The following RSBN1 variants were observed in gnomAD, a reference collection of about 807,000 sequenced individuals.
RSBN1 encodes the protein round spermatid basic protein 1.
RSBN1 carries 23 observed loss-of-function variants against 74.8 expected under a neutral mutation model. That is an observed-to-expected ratio of 0.31 (90% CI 0.22 to 0.44). RSBN1 has a LOEUF of 0.44. RSBN1 is among the 20% of genes least tolerant of loss of function. RSBN1 has a pLI of 1.00. For missense variants in RSBN1, 808 were observed against 1,020.9 expected (o/e 0.79, Z 2.84); for synonymous variants, 407 against 379.6 (o/e 1.07, Z -0.84).
chr1:113,777,154 T>C, intron 4 of RSBN1, 56 bp downstream of exon 4: 7 of 1,520,178 alleles, frequency 4.6e-6, no homozygotes, highest in Non-Finnish European at 5.4e-6. Flanking sequence ...CTCATTTTTA[T>C]AAGCAACCAA....
rs1456151487 is a variant in RSBN1 at position 113,765,406 on chromosome 1, TG to T, written c.*573del. 1 of 152,694 alleles carries T rather than the reference TG, an allele frequency of 6.5e-6. No individual in the cohort carries two copies. The highest frequency in any genetic ancestry group is 1.5e-5 in the Non-Finnish European group (1 of 68,192). The allele number at this position is 152,694 out of a possible 1,614,324, so 9.5% of individuals were successfully genotyped here. On this transcript the variant is annotated 3_prime_UTR_variant, in exon 7 of 7. Coordinates refer to ENST00000261441, the MANE Select transcript of RSBN1 (RefSeq NM_018364.5). ...AGACAGTTTGGATCAGAAAGTGCTG[TG>T]CTTTCTCTTTTGTTAAGAAACCAGA...
intron 1 of RSBN1, among the ~76,000 whole-genome samples, chr1:113,802,839 T>C (rs555724232): frequency 1.3e-5 from 2 of 152,282 alleles, no homozygotes; most frequent in African/African-American, 4.8e-5. Context: ...AAGTCTACAT[T>C]GATGCATCAT....
intron 1 of RSBN1, among the ~76,000 whole-genome samples, chr1:113,805,238 T>G (rs767065411): frequency 1.5e-4 from 23 of 151,954 alleles, no homozygotes; most frequent in Non-Finnish European, 2.4e-4. Flanking sequence ...TGCCTCAGCC[T>G]CCCAAGTAGC....
chr1:113,811,715 T>C lies in RSBN1; in HGVS notation c.698A>G (p.Lys233Arg), dbSNP rs749876738. Residue 233 changes from lysine (K) to arginine (R), a missense_variant, in exon 1 of 7, where the codon AAG becomes AGG. This residue lies in a region of RSBN1 where 464 missense variants were observed against 401.0 expected (regional missense o/e 1.16). Transcript: ENST00000261441. Reference protein sequence around the residue: ...TGGVPLIKAPKRETPDENGKT... With the variant: ...TGGVPLIKAPRRETPDENGKT... Reference sequence around the variant, plus strand: ...GGCAGTTTGCCTGCTCTCACCTCTCTTGGGGGCTTTGATCAGAGGCACCCC... The same window carrying C: ...GGCAGTTTGCCTGCTCTCACCTCTCCTGGGGGCTTTGATCAGAGGCACCCC... 8 of 1,594,782 alleles carry C rather than the reference T, an allele frequency of 5.0e-6. No homozygotes were observed. In the South Asian group the frequency reaches 7.9e-5, roughly 16 times the overall value.
At chr1:113,800,752 T>C (rs1348462910) in intron 1 of RSBN1, among the ~76,000 whole-genome samples, 2 of 151,950 alleles carry the variant, frequency 1.3e-5, no homozygotes, top group African/African-American at 4.8e-5. Context: ...TCTAACTTGG[T>C]CAAGTCTCTG....
At chr1:113,792,161 A>G (rs1660379560) in intron 2 of RSBN1, among the ~76,000 whole-genome samples, 1 of 152,322 alleles carries the variant, frequency 6.6e-6, no homozygotes, top group Admixed American at 6.5e-5. Flanking sequence ...TTTGAAAAAG[A>G]TACTTAAAAC....
At chr1:113,784,245 G>A (rs1482414005) in intron 2 of RSBN1, among the ~76,000 whole-genome samples, 1 of 152,168 alleles carries the variant, frequency 6.6e-6, no homozygotes, top group Non-Finnish European at 1.5e-5. Context: ...GTACAGTCAT[G>A]TGTCACCTAA....
intron 1 of RSBN1, among the ~76,000 whole-genome samples, chr1:113,811,400 A>G (rs986294375): frequency 6.6e-6 from 1 of 152,200 alleles, no homozygotes; most frequent in South Asian, 2.1e-4. Context: ...TTGGAAAGGC[A>G]TTTTTTAGTA....
At position 113,802,313 on chromosome 1, in the gene RSBN1, G is replaced by GA. The variant is rs1014966060; in HGVS notation, c.704-4278dup. Among the ~76,000 whole-genome samples the GA allele has an allele frequency of 6.2e-3, 767 of 123,934 alleles. 2 individuals are homozygous for GA. Among genetic ancestry groups the GA allele is most frequent in the African/African-American group, 0.017 (574 of 33,774 alleles). The allele number at this position is 123,934 out of a possible 152,430, so 81.3% of individuals were successfully genotyped here. On this transcript the variant is annotated intron_variant, in intron 1 of 6. Transcript: ENST00000261441. ...TACTCTAATTATGGCTTAGAAGTCGGAAAAAAAAAAAAAAGGTAGTATCTT... is the reference window on the plus strand; with the variant it reads ...TACTCTAATTATGGCTTAGAAGTCGGAAAAAAAAAAAAAAAGGTAGTATCTT...
chr1:113,799,265 C>T (rs548109277), intron 1 of RSBN1, among the ~76,000 whole-genome samples: 1 of 152,078 alleles, frequency 6.6e-6, no homozygotes, highest in Non-Finnish European at 1.5e-5. Flanking sequence ...ATATGTTGCC[C>T]AGGCAGGGCT....
intron 1 of RSBN1, among the ~76,000 whole-genome samples, chr1:113,807,686 G>A (rs1436458583): frequency 1.3e-5 from 2 of 151,332 alleles, no homozygotes; most frequent in African/African-American, 2.4e-5. Flanking sequence ...GCTTGAACCC[G>A]GGAGGCAGAG....
chr1:113,769,748 C>T (rs903487827), intron 4 of RSBN1, among the ~76,000 whole-genome samples: 2 of 152,152 alleles, frequency 1.3e-5, no homozygotes, highest in East Asian at 1.9e-4. Context: ...AAGGGATCAG[C>T]AGCCAAAAAG....
intron 5 of RSBN1, 95 bp downstream of exon 5, chr1:113,768,127 C>A: frequency 9.2e-7 from 1 of 1,084,760 alleles, no homozygotes; most frequent in Non-Finnish European, 1.3e-6. Context: ...TGTATTTTAC[C>A]ACAATTTAAA....
chr1:113,785,413 A>T (rs1410062924), intron 2 of RSBN1, among the ~76,000 whole-genome samples: 1 of 152,230 alleles, frequency 6.6e-6, no homozygotes, highest in Non-Finnish European at 1.5e-5. Flanking sequence ...TAAAAGGTAT[A>T]GTAAATATAG....
chr1:113,796,498 T>TA (rs199962941), intron 2 of RSBN1, among the ~76,000 whole-genome samples: 1,825 of 151,952 alleles, frequency 0.012, 41 homozygotes, highest in African/African-American at 0.041. Context: ...TCTATTTACC[T>TA]AAAAAAATAT....
chr1:113,804,907 T>TA (rs11406398), intron 1 of RSBN1, among the ~76,000 whole-genome samples: 60,737 of 131,378 alleles, frequency 0.46, 14,312 homozygotes, highest in African/African-American at 0.55. Context: ...TGGTCAAGAG[T>TA]AAAAAAAAAA....
At position 113,811,925 on chromosome 1, in the gene RSBN1, G is replaced by A. The variant is rs1277820587; in HGVS notation, c.488C>T (p.Pro163Leu). Residue 163 changes from proline (P) to leucine (L), a missense_variant, in exon 1 of 7, where the codon CCG becomes CTG. Pro to Leu is a moderately conservative substitution (Grantham distance 98). Coordinates refer to ENST00000261441, the MANE Select transcript of RSBN1 (RefSeq NM_018364.5). ...GAAGAGGGCCGAGGTGCTTGGGGCCGGGAGAGGGGCAGCGACAGCGGGCCC... is the reference window on the plus strand; with the variant it reads ...GAAGAGGGCCGAGGTGCTTGGGGCCAGGAGAGGGGCAGCGACAGCGGGCCC... ...PAGPAVAAPL[P>L]APSTSALFTF... The A allele has an allele frequency of 2.5e-6, 4 of 1,603,340 alleles. No individual in the cohort carries two copies. The East Asian group carries it at 9.0e-5, about 36-fold the overall frequency.
chr1:113,797,736 G>A lies in RSBN1; in HGVS notation c.1004C>T (p.Thr335Ile). Residue 335 changes from threonine (T) to isoleucine (I), a missense_variant, in exon 2 of 7, where the codon ACA (threonine) becomes ATA (isoleucine). Thr to Ile is a moderately conservative substitution (Grantham distance 89, BLOSUM62 -1). This residue lies in a region of RSBN1 where 85 missense variants were observed against 126.2 expected (regional missense o/e 0.67). Coordinates refer to ENST00000261441, the MANE Select transcript of RSBN1 (RefSeq NM_018364.5). ...QEYRVPQGVQ[T>I]PFMTHQEHSI... The stretch of plus-strand genomic sequence containing the variant: ...ATGTTCCTGGTGAGTCATAAAAGGT[G>A]TTTGTACTCCCTGGGGTACCCGATA... 1.2e-6 allele frequency: 2 copies of A among 1,614,062 alleles called. No homozygotes were observed. Among genetic ancestry groups the A allele is most frequent in the Non-Finnish European group, 1.7e-6 (2 of 1,179,986 alleles).
intron 1 of RSBN1, among the ~76,000 whole-genome samples, chr1:113,802,581 C>T (rs989651529): frequency 3.3e-5 from 5 of 152,126 alleles, no homozygotes; most frequent in Non-Finnish European, 4.4e-5. Context: ...TTACTTTACC[C>T]ACCATCTCTC....
Sources: allele counts gnomAD v4.1 joint callset (sites outside exome capture counted in the v4.1 genomes callset), GRCh38; gene constraint gnomAD v4.1.1; regional missense constraint gnomAD v4.1.1; transcripts MANE v1.5; gene names NCBI Gene and HGNC (gene_info 2026-07-23, HGNC 2026-07-21).